PI4KA: variants seen among roughly 807,000 people sequenced by gnomAD.
The protein encoded by PI4KA is PI4-kinase alpha.
Under a neutral mutation model 271.4 loss-of-function variants are expected in PI4KA, and 122 were observed. That is an observed-to-expected ratio of 0.45 (90% CI 0.39 to 0.52). The LOEUF is 0.52. PI4KA is among the 20% of genes least tolerant of loss of function. PI4KA has a pLI of 0.00. For synonymous variants in PI4KA, 1,041 were observed against 1,078.8 expected (o/e 0.96, Z 0.69); for missense variants, 1,969 against 2,769.1 (o/e 0.71, Z 6.48).
At chr22:20,811,714 C>T (rs986426385) in intron 8 of PI4KA, among the ~76,000 whole-genome samples, 9 of 151,304 alleles carry the variant, frequency 5.9e-5, no homozygotes, top group African/African-American at 1.7e-4. Context: ...AATGAAAAAC[C>T]GCCTAAAAGA....
At chr22:20,845,966 T>C (rs921155678) in intron 1 of PI4KA, among the ~76,000 whole-genome samples, 4 of 151,964 alleles carry the variant, frequency 2.6e-5, no homozygotes, top group African/African-American at 9.7e-5. Context: ...AAGATTAAGA[T>C]ACGAAAATCA....
chr22:20,766,063 C>T (rs2147402096), intron 19 of PI4KA, among the ~76,000 whole-genome samples: 1 of 152,280 alleles, frequency 6.6e-6, no homozygotes, highest in Non-Finnish European at 1.5e-5. Context: ...GAAGAGAAGG[C>T]AGCCTGTCCA....
chr22:20,817,853 G>C (rs1922046595), intron 7 of PI4KA, among the ~76,000 whole-genome samples: 1 of 149,512 alleles, frequency 6.7e-6, no homozygotes, highest in African/African-American at 2.5e-5. Context: ...AGCCAGGTGT[G>C]GTGGCTCATG....
intron 15 of PI4KA, 92 bp downstream of exon 15, chr22:20,799,579 G>A: frequency 1.1e-6 from 1 of 895,692 alleles, no homozygotes; most frequent in Admixed American, 2.1e-5. Flanking sequence ...AGGAGATAAG[G>A]ACAGAGGCAT....
intron 7 of PI4KA, among the ~76,000 whole-genome samples, 184 bp downstream of exon 7, chr22:20,818,299 T>C (rs1922115298): frequency 6.6e-6 from 1 of 152,156 alleles, no homozygotes; most frequent in Non-Finnish European, 1.5e-5. Context: ...ATATAAAATA[T>C]TTGAAAATTA....
At chr22:20,819,582 C>G in intron 6 of PI4KA, 59 bp downstream of exon 6, 1 of 1,491,358 alleles carries the variant, frequency 6.7e-7, no homozygotes, top group South Asian at 1.3e-5. Context: ...GGATTTTCTT[C>G]GCAGGGGAGC....
chr22:20,772,695 GCTCTTGAGGAGCAGT>G (rs1569014445), intron 19 of PI4KA, among the ~76,000 whole-genome samples: 1 of 152,168 alleles, frequency 6.6e-6, no homozygotes, highest in East Asian at 1.9e-4. Flanking sequence ...TCCCAAACAT[GCTCTTGAGGAGCAGT>G]CTCTGTGATA....
chr22:20,822,588 G>A (rs771503254), intron 4 of PI4KA, among the ~76,000 whole-genome samples: 2 of 152,308 alleles, frequency 1.3e-5, no homozygotes, highest in Middle Eastern at 3.4e-3. Flanking sequence ...TCCAATGACA[G>A]GAGGGTCCTG....
intron 42 of PI4KA, among the ~76,000 whole-genome samples, chr22:20,724,587 C>CA (rs1297551184): frequency 6.6e-6 from 1 of 151,720 alleles, no homozygotes; most frequent in African/African-American, 2.4e-5. Flanking sequence ...GCCTGGGCAA[C>CA]AGAGCGAGAC....
At chr22:20,842,907 G>A (rs548077906) in intron 1 of PI4KA, among the ~76,000 whole-genome samples, 36 of 151,642 alleles carry the variant, frequency 2.4e-4, no homozygotes, top group Non-Finnish European at 4.4e-4. Flanking sequence ...TCAGGAGATC[G>A]AGACCACAGT....
intron 42 of PI4KA, among the ~76,000 whole-genome samples, chr22:20,724,137 C>CATTA (rs71186681): frequency 0.46 from 69,208 of 150,688 alleles, 16,070 homozygotes; most frequent in East Asian, 0.58. Flanking sequence ...TGCGCCTAGC[C>CATTA]ATTAATTAAT....
chr22:20,714,993 C>T (rs1925795764), intron 45 of PI4KA, among the ~76,000 whole-genome samples: 1 of 152,212 alleles, frequency 6.6e-6, no homozygotes, highest in Non-Finnish European at 1.5e-5. Flanking sequence ...TACAGCCCTA[C>T]TGCTTCTGGG....
At chr22:20,809,294 G>T (rs1935860645) in intron 9 of PI4KA, among the ~76,000 whole-genome samples, 1 of 152,102 alleles carries the variant, frequency 6.6e-6, no homozygotes, top group Non-Finnish European at 1.5e-5. Context: ...ATGTAAACTG[G>T]GGATTGTTGT....
At chr22:20,820,059 T>A (rs1305682278) in intron 5 of PI4KA, among the ~76,000 whole-genome samples, 159 bp from the exon 6 acceptor site, 2 of 152,242 alleles carry the variant, frequency 1.3e-5, no homozygotes, top group Non-Finnish European at 2.9e-5. Flanking sequence ...CCCCAAGGGC[T>A]GACAAGTGAT....
intron 19 of PI4KA, among the ~76,000 whole-genome samples, chr22:20,775,467 T>A (rs1601463301): frequency 6.6e-6 from 1 of 152,104 alleles, no homozygotes; most frequent in Non-Finnish European, 1.5e-5. Context: ...GGGAACAGGG[T>A]ATAAGAAGTT....
At chr22:20,851,589 C>T (rs1297593972) in intron 1 of PI4KA, among the ~76,000 whole-genome samples, 1 of 152,172 alleles carries the variant, frequency 6.6e-6, no homozygotes, top group Non-Finnish European at 1.5e-5. Flanking sequence ...GTGCCTGCCT[C>T]AGCCTCCCAA....
At chr22:20,767,584 T>G (rs1231255042) in intron 19 of PI4KA, among the ~76,000 whole-genome samples, 2 of 152,004 alleles carry the variant, frequency 1.3e-5, no homozygotes, top group African/African-American at 4.8e-5. Context: ...CACCTCAGCC[T>G]TCCCAGTAGC....
Position 20,834,550 on chromosome 22 carries a change from A to T in PI4KA, c.367+12T>A, listed in dbSNP as rs772820130. ...TTCTCTTATATTCAGGGAAAACATT[A>T]TATACAATTACCTCTGCCTTTCCGA... On this transcript the variant is annotated intron_variant, in intron 3 of 54. Transcript: ENST00000255882. 6.7e-7 allele frequency: 1 copy of T among 1,488,904 alleles called. No homozygotes were observed. The highest frequency in any genetic ancestry group is 1.4e-5 in the African/African-American group (1 of 72,654). The allele number at this position is 1,488,904 out of a possible 1,614,324, so 92.2% of individuals were successfully genotyped here.
Position 20,784,144 on chromosome 22 carries a change from C to A in PI4KA, c.2328+9049G>T, listed in dbSNP as rs758586880. Reference sequence around the variant, plus strand: ...AGCTGGAATACGTGGGGGGCATCAGCATGCTAATTGTGGTCCCACACAAGA... The same window carrying A: ...AGCTGGAATACGTGGGGGGCATCAGAATGCTAATTGTGGTCCCACACAAGA... On this transcript the variant is annotated intron_variant, in intron 19 of 54. Transcript: ENST00000255882. 13 of 1,614,178 alleles carry A rather than the reference C, an allele frequency of 8.1e-6. No individual in the cohort carries two copies. The Admixed American group carries it at 2.2e-4, about 27-fold the overall frequency.
Sources: gnomAD v4.1 joint callset for allele counts (sites outside exome capture counted in the v4.1 genomes callset) on GRCh38, gnomAD v4.1.1 for gene constraint, MANE v1.5 for transcripts, NCBI Gene and HGNC (gene_info 2026-07-23, HGNC 2026-07-21) for gene names.